Variants in SLC13A1 observed in about 807,000 individuals in gnomAD.
SLC13A1 encodes the protein Na(+)/sulfate cotransporter.
A neutral mutation model predicts 70.0 loss-of-function variants in SLC13A1; 65 were observed. The observed-to-expected ratio is 0.93, with a 90% CI of 0.76 to 1.14. The LOEUF is 1.14. SLC13A1 is among the 50% of genes most tolerant of loss of function. The pLI, the probability that SLC13A1 is intolerant of heterozygous loss-of-function variation, is 0.00. For synonymous variants in SLC13A1, 275 were observed against 250.5 expected (o/e 1.10, Z -0.92); for missense variants, 726 against 717.8 (o/e 1.01, Z -0.13).
At chr7:123,142,826 C>G (rs1358785162) in intron 7 of SLC13A1, among the ~76,000 whole-genome samples, 10 of 151,808 alleles carry the variant, frequency 6.6e-5, no homozygotes, top group African/African-American at 2.4e-4. Flanking sequence ...ACTATGTTGG[C>G]CAGGCTGGTT....
At chr7:123,179,258 G>A (rs1795557156) in intron 2 of SLC13A1, among the ~76,000 whole-genome samples, 1 of 152,072 alleles carries the variant, frequency 6.6e-6, no homozygotes, top group Non-Finnish European at 1.5e-5. Flanking sequence ...TCAGATGTGG[G>A]CTTAATAAAG....
chr7:123,173,444 C>T (rs1203184136), intron 2 of SLC13A1, among the ~76,000 whole-genome samples: 1 of 151,948 alleles, frequency 6.6e-6, no homozygotes, highest in Non-Finnish European at 1.5e-5. Flanking sequence ...TCATTTATTA[C>T]TCATTGAAAA....
chr7:123,163,259 C>G (rs911159097), intron 6 of SLC13A1, among the ~76,000 whole-genome samples: 7 of 152,002 alleles, frequency 4.6e-5, no homozygotes, highest in Admixed American at 1.3e-4. Context: ...CTTTCTTCTC[C>G]CAGTATCTTT....
chr7:123,138,159 G>A (rs1794014394), intron 7 of SLC13A1, among the ~76,000 whole-genome samples: 1 of 152,106 alleles, frequency 6.6e-6, no homozygotes, highest in African/African-American at 2.4e-5. Context: ...AAATCAGTGA[G>A]AACATGTAAT....
intron 9 of SLC13A1, 33 bp downstream of exon 9, chr7:123,129,324 CTGTGTGTGTGTGTGTGTGTGTGTGTG>C (rs3837116): frequency 2.6e-6 from 2 of 781,196 alleles, no homozygotes; most frequent in Non-Finnish European, 4.0e-6. Flanking sequence ...TCTCTCTTCT[CTGTGTGTGTGTGTGTGTGTGTGTGTG>C]TGTGTGTGTG....
chr7:123,136,368 A>G (rs1408105850), intron 7 of SLC13A1, among the ~76,000 whole-genome samples: 1 of 152,212 alleles, frequency 6.6e-6, no homozygotes, highest in East Asian at 1.9e-4. Context: ...CTATGCCTCT[A>G]TAATCATAAC....
Position 123,134,518 on chromosome 7 carries a change from T to G in SLC13A1, c.824A>C (p.Asp275Ala). Residue 275 changes from aspartate (D) to alanine (A), a missense_variant, in exon 8 of 15, where the codon GAC becomes GCC. Physicochemically the swap from Asp to Ala is moderately radical, Grantham distance 126 (BLOSUM62 -2). Coordinates refer to ENST00000194130, the MANE Select transcript of SLC13A1 (RefSeq NM_022444.4). The part of the protein sequence containing the change: ...FAEYFNTRYP[D>A]CRCLNFGSWF... ...TGATCCAAAGTTGAGGCAACGACAG[T>G]CAGGATAGCGTCTGTGTGAAAACAT... 1 of 1,613,148 alleles carries G rather than the reference T, an allele frequency of 6.2e-7. No individual in the cohort carries two copies. Among genetic ancestry groups the G allele is most frequent in the South Asian group, 1.1e-5 (1 of 90,994 alleles).
chr7:123,173,600 G>C (rs1419592111), intron 2 of SLC13A1, among the ~76,000 whole-genome samples: 1 of 151,986 alleles, frequency 6.6e-6, no homozygotes, highest in African/African-American at 2.4e-5. Context: ...ATAGAGCCGT[G>C]TTTGGTTTTT....
chr7:123,152,857 G>A (rs1794599269), intron 6 of SLC13A1, among the ~76,000 whole-genome samples: 1 of 151,950 alleles, frequency 6.6e-6, no homozygotes. Flanking sequence ...AAATAAGATA[G>A]GGAAATAAGT....
chr7:123,165,277 T>C (rs1795032459), intron 6 of SLC13A1, among the ~76,000 whole-genome samples: 1 of 152,192 alleles, frequency 6.6e-6, no homozygotes, highest in African/African-American at 2.4e-5. Flanking sequence ...TTCCTGTTTT[T>C]ATATAAAGCT....
In SLC13A1 at chr7:123,123,113, C is replaced by A. The variant is rs1363820472; in HGVS notation, c.1350+13G>T. The A allele has an allele frequency of 6.5e-7, 1 of 1,543,144 alleles. No homozygotes were observed. The highest frequency in any genetic ancestry group is 2.2e-5 in the East Asian group (1 of 44,504). On this transcript the variant is annotated intron_variant, in intron 12 of 14. Transcript: ENST00000194130. ...CTGGTTAATTGTTAAATATCTTACA[C>A]ACAGAGTATTACCTCACAACCATCT...
At position 123,159,305 on chromosome 7, in the gene SLC13A1, G is replaced by A. The variant is rs1030126744; in HGVS notation, c.660+9069C>T. Among the ~76,000 whole-genome samples the A allele has an allele frequency of 3.3e-4, 50 of 152,134 alleles. 1 individual carries two copies. Among genetic ancestry groups the A allele is most frequent in the African/African-American group, 1.2e-3 (48 of 41,442 alleles). ...CTGTGTGGAAAAGGGCCTTTACAGA[G>A]GTAATTAAGTTTAAACAAAGAAGGA... On this transcript the variant is annotated intron_variant, in intron 6 of 14. Transcript: ENST00000194130.
chr7:123,148,391 C>A (rs983914256), intron 6 of SLC13A1: 15 of 394,702 alleles, frequency 3.8e-5, no homozygotes, highest in African/African-American at 2.8e-4. Context: ...AGTCACCCCA[C>A]CCCCATAGTT....
chr7:123,147,160 T>A lies in SLC13A1; in HGVS notation c.811A>T (p.Thr271Ser). 1 of 1,612,822 alleles carries A rather than the reference T, an allele frequency of 6.2e-7. No homozygotes were observed. Among genetic ancestry groups the A allele is most frequent in the Admixed American group, 1.7e-5 (1 of 59,792 alleles). ...TNLIFAEYFN[T>S]RYPDCRCLNF... is the part of the protein sequence containing the mutation. ...CACCAATCCAATAAGGTTACTTACGTATTGAAATACTCTGCAAAGATCAAG... is the reference window on the plus strand; with the variant it reads ...CACCAATCCAATAAGGTTACTTACGAATTGAAATACTCTGCAAAGATCAAG... Residue 271 changes from threonine (T) to serine (S), a missense_variant and splice_region_variant, in exon 7 of 15, where the codon ACA (threonine) becomes TCA (serine). Thr to Ser is a moderately conservative substitution (Grantham distance 58). Transcript: ENST00000194130.
chr7:123,128,420 C>G (rs544755242), intron 10 of SLC13A1, among the ~76,000 whole-genome samples: 5 of 152,166 alleles, frequency 3.3e-5, no homozygotes, highest in African/African-American at 1.2e-4. Context: ...CTCCATCTTA[C>G]AGATGAAGAC....
chr7:123,129,711 G>A (rs546047222), intron 8 of SLC13A1, among the ~76,000 whole-genome samples: 49 of 151,912 alleles, frequency 3.2e-4, no homozygotes, highest in Non-Finnish European at 4.6e-4. Flanking sequence ...ACTTTTTCGT[G>A]TTCAATTTTC....
Position 123,129,828 on chromosome 7 carries a change from T to C in SLC13A1, c.933-347A>G, listed in dbSNP as rs527368676. On this transcript the variant is annotated intron_variant, in intron 8 of 14. Transcript: ENST00000194130. ...CACTTATCTCTAACTAACATTTTAT[T>C]ACGTACTGGATCTTATATATTTAAA... Among the ~76,000 whole-genome samples the C allele has an allele frequency of 1.1e-4, 17 of 152,346 alleles. No individual in the cohort carries two copies. The South Asian group carries it at 3.5e-3, about 32-fold the overall frequency.
chr7:123,132,287 A>T (rs1793789896), intron 8 of SLC13A1, among the ~76,000 whole-genome samples: 1 of 152,176 alleles, frequency 6.6e-6, no homozygotes, highest in Admixed American at 6.5e-5. Context: ...AGGAATCAAG[A>T]GGGGAGAATG....
chr7:123,115,858 G>T (rs918686496), intron 14 of SLC13A1, among the ~76,000 whole-genome samples: 3 of 152,138 alleles, frequency 2.0e-5, no homozygotes, highest in Non-Finnish European at 4.4e-5. Context: ...GGGTCATGTT[G>T]GTGTGCTGCA....
Sources: allele counts gnomAD v4.1 joint callset (sites outside exome capture counted in the v4.1 genomes callset), GRCh38; gene constraint gnomAD v4.1.1; transcripts MANE v1.5; gene names NCBI Gene and HGNC (gene_info 2026-07-23, HGNC 2026-07-21).